Variants in PCDHA6 observed in about 807,000 individuals in gnomAD.
PCDHA6 encodes the protein protocadherin alpha 6.
PCDHA6 carries 55 observed loss-of-function variants against 60.3 expected under a neutral mutation model. That is an observed-to-expected ratio of 0.91 (90% CI 0.73 to 1.14). The LOEUF (loss-of-function observed/expected upper bound fraction) is 1.14, where lower values mean the gene tolerates loss of function less well. Ranked by LOEUF, PCDHA6 falls within the 50% of genes most tolerant of loss-of-function variation. PCDHA6 has a pLI of 0.00. For synonymous variants in PCDHA6, 652 were observed against 557.9 expected (o/e 1.17, Z -2.38); for missense variants, 1,327 against 1,256.5 (o/e 1.06, Z -0.85).
intron 1 of PCDHA6, chr5:140,882,953 C>T: frequency 3.7e-6 from 6 of 1,614,184 alleles, no homozygotes; most frequent in East Asian, 2.2e-5. Flanking sequence ...AGTTCAGCTG[C>T]TCATCACGAT....
At chr5:140,897,667 A>G (rs2066254740) in intron 1 of PCDHA6, among the ~76,000 whole-genome samples, 1 of 152,134 alleles carries the variant, frequency 6.6e-6, no homozygotes, top group Non-Finnish European at 1.5e-5. Context: ...ATGTGTCTTT[A>G]TAGCAGCATG....
intron 1 of PCDHA6, among the ~76,000 whole-genome samples, chr5:140,977,768 A>G (rs1264929933): frequency 1.3e-5 from 2 of 152,218 alleles, no homozygotes; most frequent in Non-Finnish European, 1.5e-5. Context: ...AATACTTTGC[A>G]TCCCTTAAAG....
rs201501759 is a variant in PCDHA6 at position 140,978,957 on chromosome 5, G to A, written c.2403G>A (p.Gln801=). The stretch of plus-strand genomic sequence containing the variant: ...TCTTTGTGATTTTGCAGCCACGACA[G>A]CCCAACCCTGACTGGCGTTACTCTG... ...LNEDHDAKPR[Q]PNPDWRYSAS... is the part of the protein sequence containing the mutation. Residue 801 remains glutamine, a synonymous_variant, in exon 2 of 4, where the codon CAG becomes CAA. Coordinates refer to ENST00000529310, the MANE Select transcript of PCDHA6 (RefSeq NM_018909.4). 56 of 1,614,040 alleles carry A rather than the reference G, an allele frequency of 3.5e-5. No individual in the cohort carries two copies. In the East Asian group the frequency reaches 1.1e-3, roughly 32 times the overall value.
intron 3 of PCDHA6, among the ~76,000 whole-genome samples, chr5:140,997,668 T>TTGTGTGTGTGTGTGTGTGTG (rs35184029): frequency 6.7e-6 from 1 of 148,244 alleles, no homozygotes; most frequent in African/African-American, 2.5e-5. Context: ...ATTATACAGC[T>TTGTGTGTGTGTGTGTGTGTG]TGTGTGTGTG....
intron 1 of PCDHA6, chr5:140,835,610 G>A (rs2150239462): frequency 1.9e-6 from 3 of 1,613,948 alleles, no homozygotes; most frequent in Non-Finnish European, 2.5e-6. Context: ...CATTGGTGCT[G>A]GACAGCGCTC....
At chr5:140,969,087 T>C (rs146741684) in intron 1 of PCDHA6, 741 of 1,613,920 alleles carry the variant, frequency 4.6e-4, no homozygotes, top group Non-Finnish European at 5.8e-4. Flanking sequence ...GGCCTCAAAG[T>C]GCAGCCTCAC....
chr5:140,866,062 C>T (rs1312576527), intron 1 of PCDHA6: 2 of 152,092 alleles, frequency 1.3e-5, no homozygotes, highest in Non-Finnish European at 2.9e-5. Context: ...ATCAATGCCA[C>T]ACTGAGATAG....
At chr5:140,864,945 C>G (rs2048665503) in intron 1 of PCDHA6, 1 of 152,120 alleles carries the variant, frequency 6.6e-6, no homozygotes, top group Non-Finnish European at 1.5e-5. Flanking sequence ...GGCCTGTAAT[C>G]CCAGCATTTT....
In PCDHA6 at chr5:141,010,181, C is replaced by G; in HGVS notation, c.*244C>G. The G allele has an allele frequency of 2.6e-6, 4 of 1,554,386 alleles. No individual in the cohort carries two copies. Among genetic ancestry groups the G allele is most frequent in the Non-Finnish European group, 3.5e-6 (4 of 1,148,120 alleles). On this transcript the variant is annotated 3_prime_UTR_variant, in exon 4 of 4. Transcript: ENST00000529310. ...TTGTTTTCAGAACCTAAAAAGCAGA[C>G]CCAAGTTTCCTTTCTCCTCCGCCGC... is the stretch of plus-strand genomic sequence containing the variant.
intron 1 of PCDHA6, among the ~76,000 whole-genome samples, chr5:140,893,177 T>A (rs2063856203): frequency 6.6e-6 from 1 of 152,232 alleles, no homozygotes; most frequent in Admixed American, 6.5e-5. Flanking sequence ...TTCCACATAG[T>A]AGCTATTGTG....
At chr5:140,929,972 G>A (rs2086500191) in intron 1 of PCDHA6, 1 of 152,084 alleles carries the variant, frequency 6.6e-6, no homozygotes, top group South Asian at 2.1e-4. Flanking sequence ...TTTTGGTGAA[G>A]GTGTCTTCTT....
intron 1 of PCDHA6, chr5:140,927,539 A>G (rs1554204701): frequency 6.2e-7 from 1 of 1,614,112 alleles, no homozygotes; most frequent in Non-Finnish European, 8.5e-7. Flanking sequence ...CGCTCAGGAG[A>G]CGCACAAGTC....
intron 1 of PCDHA6, among the ~76,000 whole-genome samples, chr5:140,914,207 A>C (rs1485868934): frequency 6.6e-6 from 1 of 152,060 alleles, no homozygotes; most frequent in Admixed American, 6.6e-5. Context: ...TGTGATCTCT[A>C]TCTCTCTTTT....
rs1554151795 is a variant in PCDHA6, at chr5:140,858,568, T to C, written c.2394+28083T>C. On this transcript the variant is annotated intron_variant, in intron 1 of 3. Transcript: ENST00000529310. ...ATTTATGCTTGAATATTTCTAGTGA[T>C]ACCTTTGTAATATAATTTATTCCAG... 5.8e-6 allele frequency: 8 copies of C among 1,371,312 alleles called. 1 individual carries two copies. Among genetic ancestry groups the C allele is most frequent in the African/African-American group, 5.8e-5 (4 of 69,536 alleles). 84.9% of individuals were successfully genotyped at this position (1,371,312 alleles called of 1,614,324 possible).
chr5:140,906,180 C>T (rs1457176453), intron 1 of PCDHA6, among the ~76,000 whole-genome samples: 1 of 152,132 alleles, frequency 6.6e-6, no homozygotes, highest in Non-Finnish European at 1.5e-5. Flanking sequence ...ACTTTGCATC[C>T]TTCAATCCAA....
chr5:140,908,999 T>C (rs1221174156), intron 1 of PCDHA6, among the ~76,000 whole-genome samples: 1 of 152,190 alleles, frequency 6.6e-6, no homozygotes, highest in Non-Finnish European at 1.5e-5. Context: ...GAAATTTTAC[T>C]GAGGTAGAAG....
At chr5:141,005,610 G>C (rs1184044588) in intron 3 of PCDHA6, among the ~76,000 whole-genome samples, 1 of 147,582 alleles carries the variant, frequency 6.8e-6, no homozygotes, top group Non-Finnish European at 1.5e-5. Context: ...GCTGAGGCAG[G>C]AGAATGGCGT....
intron 1 of PCDHA6, 79 bp from the exon 2 acceptor site, chr5:140,978,870 G>T: frequency 6.2e-7 from 1 of 1,606,988 alleles, no homozygotes; most frequent in Non-Finnish European, 8.5e-7. Context: ...ATTTAAGGGA[G>T]TAACTAATCA....
At chr5:140,849,773 C>G in intron 1 of PCDHA6, 1 of 1,598,418 alleles carries the variant, frequency 6.3e-7, no homozygotes, top group Non-Finnish European at 8.6e-7. Context: ...TGGTGGTTAC[C>G]GCGCGGGACG....
Sources: gnomAD v4.1 joint callset for allele counts (sites outside exome capture counted in the v4.1 genomes callset) on GRCh38, gnomAD v4.1.1 for gene constraint, MANE v1.5 for transcripts, NCBI Gene and HGNC (gene_info 2026-07-23, HGNC 2026-07-21) for gene names.